Variants in HAUS1 observed in about 807,000 individuals in gnomAD.
The protein encoded by HAUS1 is HAUS augmin-like complex subunit 1.
In HAUS1, 25 loss-of-function variants were observed where a neutral mutation model predicts 38.6. The observed-to-expected ratio is 0.65, with a 90% CI of 0.47 to 0.91. The LOEUF is 0.91. HAUS1 is among the 40% of genes least tolerant of loss of function. The pLI is 0.00. For synonymous variants in HAUS1, 109 were observed against 112.9 expected (o/e 0.97, Z 0.22); for missense variants, 325 against 328.4 (o/e 0.99, Z 0.08).
intron 2 of HAUS1, among the ~76,000 whole-genome samples, chr18:46,108,350 G>T (rs146630439): frequency 1.4e-5 from 2 of 144,268 alleles, no homozygotes; most frequent in Non-Finnish European, 3.0e-5. Context: ...GTGTTTCACC[G>T]TGTTGCTCAG....
intron 2 of HAUS1, among the ~76,000 whole-genome samples, chr18:46,112,239 A>T (rs1484679668): frequency 7.3e-6 from 1 of 137,776 alleles, no homozygotes; most frequent in Non-Finnish European, 1.5e-5. Context: ...TATATATATA[A>T]TATATATATA....
Position 46,105,341 on chromosome 18 carries a change from C to G in HAUS1, c.178C>G (p.Gln60Glu). The G allele has an allele frequency of 6.2e-7, 1 of 1,612,790 alleles. No individual in the cohort carries two copies. Among genetic ancestry groups the G allele is most frequent in the Non-Finnish European group, 8.5e-7 (1 of 1,179,416 alleles). The stretch of plus-strand genomic sequence containing the variant: ...CTACCTGGTAATAGAGGACTTGAAG[C>G]AGAAAGCAAGTGAATACGAGTCAGA... ...DVYLVIEDLKQKASEYESEAK... is the reference protein window; with the variant it reads ...DVYLVIEDLKEKASEYESEAK... The change falls in exon 2 of 9, where the codon CAG becomes GAG. Residue 60 changes from glutamine to glutamate, a missense_variant. Coordinates refer to ENST00000282058, the MANE Select transcript of HAUS1 (RefSeq NM_138443.4).
At position 46,118,228 on chromosome 18, in the gene HAUS1, G is replaced by A. The variant is rs750978417; in HGVS notation, c.253G>A (p.Ala85Thr). ...LLMESVNFSPANLSSTGSRYL... is the reference protein window; with the variant it reads ...LLMESVNFSPTNLSSTGSRYL... ...CATGGAGAGTGTGAATTTTTCCCCC[G>A]CCAATCTCTCTAGCACTGGTTCCAG... is the stretch of plus-strand genomic sequence containing the variant. Residue 85 changes from alanine (A) to threonine (T), a missense_variant, in exon 3 of 9, where the codon GCC (alanine) becomes ACC (threonine). Coordinates refer to ENST00000282058, the MANE Select transcript of HAUS1 (RefSeq NM_138443.4). 1.1e-5 allele frequency: 18 copies of A among 1,612,064 alleles called. No homozygotes were observed. The highest frequency in any genetic ancestry group is 2.1e-4 in the Middle Eastern group (1 of 4,686).
At chr18:46,126,471 A>C (rs1003335280) in intron 8 of HAUS1, among the ~76,000 whole-genome samples, 3 of 152,164 alleles carry the variant, frequency 2.0e-5, no homozygotes, top group Admixed American at 2.0e-4. Context: ...AGAAACATGA[A>C]ATGTAAGATA....
At chr18:46,127,928 A>G (rs569976628) in intron 8 of HAUS1, 147 bp from the exon 9 acceptor site, 3 of 464,112 alleles carry the variant, frequency 6.5e-6, no homozygotes, top group Non-Finnish European at 1.2e-5. Context: ...GGGAATATCT[A>G]AAAGCATATT....
At chr18:46,107,599 T>C (rs1207675269) in intron 2 of HAUS1, among the ~76,000 whole-genome samples, 1 of 152,212 alleles carries the variant, frequency 6.6e-6, no homozygotes, top group East Asian at 1.9e-4. Context: ...ATGAAAAATA[T>C]GTGGAACTTT....
chr18:46,111,412 C>T (rs1911631307), intron 2 of HAUS1, among the ~76,000 whole-genome samples: 1 of 152,104 alleles, frequency 6.6e-6, no homozygotes, highest in South Asian at 2.1e-4. Context: ...GCCACCTCTG[C>T]CTCCCCAGCT....
Position 46,105,305 on chromosome 18 carries a change from G to A in HAUS1, c.142G>A (p.Asp48Asn). 1.9e-6 allele frequency: 3 copies of A among 1,613,692 alleles called. No homozygotes were observed. In the East Asian group the frequency reaches 6.7e-5, roughly 36 times the overall value. The change falls in exon 2 of 9, where the codon GAC becomes AAC. Residue 48 changes from aspartate (D) to asparagine (N), a missense_variant. Transcript: ENST00000282058. ...CCTTTCAGAACGCAACAGGGTCCGG[G>A]ACAGGGATGTCTACCTGGTAATAGA... ...HHLSERNRVR[D>N]RDVYLVIEDL...
chr18:46,120,169 G>T (rs1911899016), intron 4 of HAUS1, 109 bp downstream of exon 4: 2 of 704,630 alleles, frequency 2.8e-6, no homozygotes. Context: ...TAGGAAATGG[G>T]ATCCATAAAA....
At chr18:46,113,343 C>T (rs1470584211) in intron 2 of HAUS1, among the ~76,000 whole-genome samples, 1 of 151,988 alleles carries the variant, frequency 6.6e-6, no homozygotes, top group Non-Finnish European at 1.5e-5. Context: ...TCCCAAAGTG[C>T]TGGGATTACA....
At chr18:46,120,145 G>A (rs765160973) in intron 4 of HAUS1, 85 bp downstream of exon 4, 13 of 918,152 alleles carry the variant, frequency 1.4e-5, no homozygotes, top group Non-Finnish European at 2.1e-5. Flanking sequence ...CAGTAGGTGT[G>A]ATTTTAAAAA....
At chr18:46,125,818 A>AT (rs1364559166) in intron 8 of HAUS1, 27 bp downstream of exon 8, 3 of 1,466,452 alleles carry the variant, frequency 2.0e-6, no homozygotes, top group Non-Finnish European at 2.8e-6. Context: ...ATTTTTTCAG[A>AT]TTTTTTTAAA....
At chr18:46,128,017 A>G in intron 8 of HAUS1, 58 bp from the exon 9 acceptor site, 3 of 1,019,240 alleles carry the variant, frequency 2.9e-6, no homozygotes, top group Non-Finnish European at 4.2e-6. Flanking sequence ...ATAACATTAA[A>G]TAAAAGTTAG....
chr18:46,122,673 C>G lies in HAUS1; in HGVS notation c.600+83C>G, dbSNP rs1221210354. On this transcript the variant is annotated intron_variant, in intron 5 of 8. Coordinates refer to ENST00000282058, the MANE Select transcript of HAUS1 (RefSeq NM_138443.4). ...CCTCACAGCTAGGCATTATTATTCC[C>G]TTTTTACAGATGAGAGGACTATAGA... The G allele has an allele frequency of 5.4e-6, 8 of 1,482,004 alleles. No individual in the cohort carries two copies. In the African/African-American group the frequency reaches 9.7e-5, roughly 18 times the overall value. 91.8% of individuals were successfully genotyped at this position (1,482,004 alleles called of 1,614,324 possible).
At chr18:46,122,278 T>C (rs1344274797) in intron 4 of HAUS1, among the ~76,000 whole-genome samples, 189 bp from the exon 5 acceptor site, 2 of 149,138 alleles carry the variant, frequency 1.3e-5, no homozygotes, top group Non-Finnish European at 3.0e-5. Flanking sequence ...CATTCAAGCC[T>C]GGGTGACAGA....
intron 4 of HAUS1, among the ~76,000 whole-genome samples, chr18:46,120,713 G>C (rs1599815967): frequency 6.6e-6 from 1 of 151,764 alleles, no homozygotes; most frequent in Non-Finnish European, 1.5e-5. Context: ...AGCCTCCCCA[G>C]TAGCTGGGAC....
intron 7 of HAUS1, among the ~76,000 whole-genome samples, chr18:46,125,423 C>T (rs1599819252): frequency 6.6e-6 from 1 of 151,500 alleles, no homozygotes; most frequent in East Asian, 1.9e-4. Context: ...GTGGTGGGCG[C>T]TTATAATCCC....
In HAUS1 at chr18:46,117,819, G is replaced by A. The variant is rs540961915; in HGVS notation, c.206-362G>A. Among the ~76,000 whole-genome samples the A allele has an allele frequency of 4.6e-3, 701 of 151,932 alleles. 1 individual carries two copies. The highest frequency in any genetic ancestry group is 8.0e-3 in the Non-Finnish European group (542 of 67,856). Reference sequence around the variant, plus strand: ...AAATTAGCTGGGCATGGTGGTGGGCGCCTGTAATCCCAGTTACTCAGGAGG... The same window carrying A: ...AAATTAGCTGGGCATGGTGGTGGGCACCTGTAATCCCAGTTACTCAGGAGG... On this transcript the variant is annotated intron_variant, in intron 2 of 8. Coordinates refer to ENST00000282058, the MANE Select transcript of HAUS1 (RefSeq NM_138443.4).
At position 46,104,390 on chromosome 18, in the gene HAUS1, T is replaced by G. The variant is rs1401194020; in HGVS notation, c.-22T>G. 1.4e-6 allele frequency: 2 copies of G among 1,457,942 alleles called. No individual in the cohort carries two copies. Among genetic ancestry groups the G allele is most frequent in the Admixed American group, 4.8e-5 (2 of 41,606 alleles). 90.3% of individuals were successfully genotyped at this position (1,457,942 alleles called of 1,614,324 possible). Reference sequence around the variant, plus strand: ...CGCATCTCCCGCTAGGAGTTCCTAGTAAAGTGGCGGGAGCCGCAGCTATGG... The same window carrying G: ...CGCATCTCCCGCTAGGAGTTCCTAGGAAAGTGGCGGGAGCCGCAGCTATGG... On this transcript the variant is annotated 5_prime_UTR_variant, in exon 1 of 9. Transcript: ENST00000282058.
Sources: gnomAD v4.1 joint callset for allele counts (sites outside exome capture counted in the v4.1 genomes callset) on GRCh38, gnomAD v4.1.1 for gene constraint, MANE v1.5 for transcripts, NCBI Gene and HGNC (gene_info 2026-07-23, HGNC 2026-07-21) for gene names.